The following TRAPPC8 variants were observed in gnomAD, a reference collection of about 807,000 sequenced individuals.
TRAPPC8 encodes the protein trafficking protein particle complex subunit 8.
In TRAPPC8, 54 loss-of-function variants were observed where a neutral mutation model predicts 174.3. The observed-to-expected ratio is 0.31, with a 90% confidence interval of 0.25 to 0.39. The LOEUF (loss-of-function observed/expected upper bound fraction) is 0.39, where lower values mean the gene tolerates loss of function less well. Among genes scored for constraint, TRAPPC8 ranks in the 10% least tolerant of loss-of-function variants. TRAPPC8 has a pLI of 1.00. For synonymous variants in TRAPPC8, 630 were observed against 579.9 expected (o/e 1.09, Z -1.24); for missense variants, 1,531 against 1,699.1 (o/e 0.90, Z 1.74).
At chr18:31,884,598 C>T (rs1377093652) in intron 12 of TRAPPC8, among the ~76,000 whole-genome samples, 1 of 152,182 alleles carries the variant, frequency 6.6e-6, no homozygotes, top group Non-Finnish European at 1.5e-5. Flanking sequence ...GGATTTGGTA[C>T]CAAGAAAAGG....
chr18:31,894,071 G>A (rs1462212636), intron 11 of TRAPPC8, among the ~76,000 whole-genome samples: 1 of 152,158 alleles, frequency 6.6e-6, no homozygotes, highest in African/African-American at 2.4e-5. Flanking sequence ...ACCAACTGAA[G>A]GCAGATGTGG....
At chr18:31,919,247 T>C (rs1191600546) in intron 2 of TRAPPC8, among the ~76,000 whole-genome samples, 1 of 152,030 alleles carries the variant, frequency 6.6e-6, no homozygotes, top group Non-Finnish European at 1.5e-5. Context: ...CCTAACACTT[T>C]GGAGGCTGGG....
Position 31,921,491 on chromosome 18 carries a change from C to T in TRAPPC8, c.353-3824G>A, listed in dbSNP as rs545403380. Among the ~76,000 whole-genome samples, 350 of 151,960 alleles carry T rather than the reference C, an allele frequency of 2.3e-3. 3 individuals carry two copies. The highest frequency in any genetic ancestry group is 8.1e-3 in the African/African-American group (337 of 41,446). On this transcript the variant is annotated intron_variant, in intron 2 of 28. Transcript: ENST00000283351. ...ATCTGGGTGGGCGGGGTGACACATG[C>T]CTGTAATCCCAGCTACTCGGAGGCT...
chr18:31,940,338 G>A (rs967186240), intron 1 of TRAPPC8, among the ~76,000 whole-genome samples: 1 of 151,758 alleles, frequency 6.6e-6, no homozygotes, highest in East Asian at 2.0e-4. Context: ...AGCCGTGAGC[G>A]CCTGTAATCC....
intron 9 of TRAPPC8, among the ~76,000 whole-genome samples, chr18:31,902,399 G>T (rs1370211649): frequency 6.6e-6 from 1 of 152,134 alleles, no homozygotes; most frequent in Non-Finnish European, 1.5e-5. Context: ...GCAACCTCTT[G>T]GTCACAGCAA....
intron 16 of TRAPPC8, among the ~76,000 whole-genome samples, chr18:31,868,494 G>A (rs1468969306): frequency 1.3e-5 from 2 of 151,992 alleles, no homozygotes; most frequent in African/African-American, 2.4e-5. Flanking sequence ...TTTAAAAAAC[G>A]TTTCCAAGTT....
intron 2 of TRAPPC8, among the ~76,000 whole-genome samples, chr18:31,922,400 C>G (rs1171230922): frequency 3.3e-5 from 5 of 151,346 alleles, no homozygotes; most frequent in Admixed American, 2.6e-4. Flanking sequence ...GGAGACCAGC[C>G]TGGGAAACAT....
chr18:31,902,966 G>A (rs1027170732), intron 9 of TRAPPC8, among the ~76,000 whole-genome samples: 5 of 151,466 alleles, frequency 3.3e-5, no homozygotes, highest in South Asian at 2.1e-4. Context: ...GGAGAATGGC[G>A]TGAACCCCGG....
rs569736955 is a variant in TRAPPC8, at chr18:31,897,523, G to GT, written c.1596+262dup. ...AATATTCTTATTCAAAGGACAAAAC[G>GT]TAATAAGTCACAGAGTATGCTCAAT... On this transcript the variant is annotated intron_variant, in intron 11 of 28. Coordinates refer to ENST00000283351, the MANE Select transcript of TRAPPC8 (RefSeq NM_014939.5). Among the ~76,000 whole-genome samples the GT allele has an allele frequency of 5.6e-3, 851 of 152,148 alleles. 4 individuals are homozygous for GT. Among genetic ancestry groups the GT allele is most frequent in the Admixed American group, 0.013 (203 of 15,282 alleles).
At chr18:31,937,116 A>C (rs2038139839) in intron 1 of TRAPPC8, among the ~76,000 whole-genome samples, 1 of 152,072 alleles carries the variant, frequency 6.6e-6, no homozygotes, top group African/African-American at 2.4e-5. Context: ...CAGGAGTCTG[A>C]GGCAGGAGAA....
intron 4 of TRAPPC8, 143 bp from the exon 5 acceptor site, chr18:31,913,665 A>C: frequency 1.6e-6 from 1 of 642,662 alleles, no homozygotes; most frequent in South Asian, 3.0e-5. Flanking sequence ...AAGAGGACAT[A>C]AGAATTATCC....
intron 6 of TRAPPC8, 82 bp from the exon 7 acceptor site, chr18:31,909,092 A>G: frequency 1.5e-6 from 2 of 1,297,898 alleles, no homozygotes; most frequent in Non-Finnish European, 1.0e-6. Context: ...TAAAGAAAAA[A>G]AAAAAGCAGA....
chr18:31,868,968 C>A (rs2034715542), intron 16 of TRAPPC8, among the ~76,000 whole-genome samples: 1 of 151,434 alleles, frequency 6.6e-6, no homozygotes, highest in South Asian at 2.1e-4. Context: ...CACTTGAGCA[C>A]CAAAATGCTG....
At chr18:31,848,109 CCAGT>C (rs1349531350) in intron 25 of TRAPPC8, among the ~76,000 whole-genome samples, 2 of 152,206 alleles carry the variant, frequency 1.3e-5, no homozygotes, top group East Asian at 1.9e-4. Context: ...CAAAAATCTA[CCAGT>C]CACTTTCTCC....
intron 12 of TRAPPC8, among the ~76,000 whole-genome samples, chr18:31,877,838 G>A (rs1284813027): frequency 4.0e-5 from 6 of 150,700 alleles, no homozygotes; most frequent in Non-Finnish European, 7.4e-5. Context: ...CAGGAGAATC[G>A]CTTGAATCCA....
chr18:31,852,378 T>G (rs541092982), intron 24 of TRAPPC8, 68 bp downstream of exon 24: 24 of 1,578,002 alleles, frequency 1.5e-5, no homozygotes, highest in Non-Finnish European at 2.1e-5. Flanking sequence ...CGATAAGCCT[T>G]GCCAAAAATA....
chr18:31,923,423 C>T (rs1234709978), intron 2 of TRAPPC8, among the ~76,000 whole-genome samples: 1 of 152,162 alleles, frequency 6.6e-6, no homozygotes, highest in Non-Finnish European at 1.5e-5. Context: ...GGAATAGCAG[C>T]TTTAAATGAC....
intron 10 of TRAPPC8, among the ~76,000 whole-genome samples, chr18:31,899,951 A>C (rs1378771375): frequency 1.3e-5 from 2 of 151,108 alleles, no homozygotes; most frequent in African/African-American, 4.9e-5. Context: ...TCAAAAAAAA[A>C]CATGGGCTGG....
chr18:31,873,007 C>CTTTTT (rs59209328), intron 14 of TRAPPC8, among the ~76,000 whole-genome samples: 3 of 74,600 alleles, frequency 4.0e-5, no homozygotes, highest in Admixed American at 1.5e-4. Context: ...ATTCATTTTC[C>CTTTTT]TTTTTTTTTT....
Sources: gnomAD v4.1 joint callset for allele counts (sites outside exome capture counted in the v4.1 genomes callset) on GRCh38, gnomAD v4.1.1 for gene constraint, MANE v1.5 for transcripts, NCBI Gene and HGNC (gene_info 2026-07-23, HGNC 2026-07-21) for gene names.